ZBTB7C: variants seen among roughly 807,000 people sequenced by gnomAD.
The protein encoded by ZBTB7C is zinc finger and BTB domain-containing protein 7C.
ZBTB7C carries 8 observed loss-of-function variants against 25.7 expected under a neutral mutation model. The observed-to-expected ratio is 0.31, with a 90% CI of 0.18 to 0.56. The LOEUF is 0.56. ZBTB7C is among the 20% of genes least tolerant of loss of function. ZBTB7C has a pLI of 0.91. For synonymous variants in ZBTB7C, 394 were observed against 369.0 expected (o/e 1.07, Z -0.78); for missense variants, 824 against 855.2 (o/e 0.96, Z 0.46).
At chr18:48,338,923 G>A (rs1475101842) in intron 1 of ZBTB7C, among the ~76,000 whole-genome samples, 1 of 150,310 alleles carries the variant, frequency 6.7e-6, no homozygotes, top group African/African-American at 2.5e-5. Flanking sequence ...GGGGGGGGGG[G>A]TCCAGGTAGG....
intron 3 of ZBTB7C, among the ~76,000 whole-genome samples, chr18:48,179,933 G>GCTTC (rs1195377699): frequency 2.9e-3 from 56 of 19,006 alleles, no homozygotes; most frequent in Non-Finnish European, 5.8e-3. Flanking sequence ...TTCCTTCCCT[G>GCTTC]CTTCCTTCCT....
intron 2 of ZBTB7C, among the ~76,000 whole-genome samples, chr18:48,301,635 T>C (rs1293524632): frequency 6.6e-6 from 1 of 152,120 alleles, no homozygotes; most frequent in African/African-American, 2.4e-5. Flanking sequence ...CTACGGGCAC[T>C]GGGAATATTT....
intron 3 of ZBTB7C, among the ~76,000 whole-genome samples, chr18:48,051,917 T>A (rs2036702637): frequency 6.6e-6 from 1 of 152,114 alleles, no homozygotes; most frequent in Non-Finnish European, 1.5e-5. Context: ...CATCCTTTAT[T>A]TTCTAGGGGG....
At chr18:48,222,572 G>A (rs926268131) in intron 2 of ZBTB7C, among the ~76,000 whole-genome samples, 1 of 152,122 alleles carries the variant, frequency 6.6e-6, no homozygotes, top group Non-Finnish European at 1.5e-5. Context: ...GCTCATGGAA[G>A]CTCGGGACTT....
intron 3 of ZBTB7C, among the ~76,000 whole-genome samples, chr18:48,043,880 T>C (rs961904555): frequency 2.0e-5 from 3 of 152,206 alleles, no homozygotes; most frequent in Admixed American, 6.5e-5. Context: ...TCTCCATCTC[T>C]CATCCAGCTA....
At position 48,056,196 on chromosome 18, in the gene ZBTB7C, A is replaced by C. The variant is rs146301635; in HGVS notation, c.-16-15073T>G. On this transcript the variant is annotated intron_variant, in intron 3 of 4. Coordinates refer to ENST00000590800, the MANE Select transcript of ZBTB7C (RefSeq NM_001318841.2). ...TAAGAAATGTGTAAGATCCATACAG[A>C]GACTGTTTTAAACATGACTGAAGCA... 1.2e-3 allele frequency among the ~76,000 whole-genome samples: 186 copies of C among 152,350 alleles called. 1 individual carries two copies. The highest frequency in any genetic ancestry group is 4.2e-3 in the African/African-American group (176 of 41,590).
At chr18:48,400,199 G>C (rs1157809386) in intron 1 of ZBTB7C, among the ~76,000 whole-genome samples, 1 of 152,136 alleles carries the variant, frequency 6.6e-6, no homozygotes, top group Non-Finnish European at 1.5e-5. Context: ...TGTATAAATG[G>C]TCCAGACAGA....
intron 3 of ZBTB7C, among the ~76,000 whole-genome samples, chr18:48,086,050 G>A (rs1435761617): frequency 6.6e-6 from 1 of 152,196 alleles, no homozygotes; most frequent in Non-Finnish European, 1.5e-5. Context: ...CTTGGATCAT[G>A]TCATTCTCTT....
At chr18:48,190,215 T>C (rs2042160143) in intron 2 of ZBTB7C, among the ~76,000 whole-genome samples, 1 of 152,170 alleles carries the variant, frequency 6.6e-6, no homozygotes, top group South Asian at 2.1e-4. Flanking sequence ...CCCAGGATTA[T>C]CAGGAGCAAG....
At chr18:48,137,515 T>C (rs1301101123) in intron 3 of ZBTB7C, among the ~76,000 whole-genome samples, 2 of 152,216 alleles carry the variant, frequency 1.3e-5, no homozygotes, top group African/African-American at 4.8e-5. Flanking sequence ...ATTCAGCGTG[T>C]CTGTCTTTTT....
At chr18:48,063,938 AC>A (rs1393138742) in intron 3 of ZBTB7C, among the ~76,000 whole-genome samples, 1 of 152,112 alleles carries the variant, frequency 6.6e-6, no homozygotes, top group East Asian at 1.9e-4. Flanking sequence ...ATTAATAAGG[AC>A]AGTGACAATA....
chr18:48,407,871 T>C (rs566243058), intron 1 of ZBTB7C, among the ~76,000 whole-genome samples: 10 of 152,184 alleles, frequency 6.6e-5, no homozygotes, highest in East Asian at 5.9e-4. Context: ...TGGCCCGCTC[T>C]GGGAATAATG....
chr18:48,249,424 G>A (rs927153477), intron 2 of ZBTB7C, among the ~76,000 whole-genome samples: 2 of 152,112 alleles, frequency 1.3e-5, no homozygotes, highest in African/African-American at 4.8e-5. Context: ...AATATTACGT[G>A]GCCATTAAAA....
chr18:48,398,497 C>A (rs1157858014), intron 1 of ZBTB7C, among the ~76,000 whole-genome samples: 3 of 152,088 alleles, frequency 2.0e-5, no homozygotes, highest in East Asian at 3.9e-4. Flanking sequence ...CAGCCCAGAG[C>A]CCCCTCCCTG....
At position 48,027,873 on chromosome 18, in the gene ZBTB7C, T is replaced by A. The variant is rs1254863287; in HGVS notation, c.*1387A>T. 1 of 152,274 alleles carries A rather than the reference T, an allele frequency of 6.6e-6. No individual in the cohort carries two copies. Among genetic ancestry groups the A allele is most frequent in the African/African-American group, 2.4e-5 (1 of 41,426 alleles). The allele number at this position is 152,274 out of a possible 1,614,324, so 9.4% of individuals were successfully genotyped here. A position where few individuals can be genotyped will look rare whatever the true frequency, so the allele number is the denominator to read the frequency against. On this transcript the variant is annotated 3_prime_UTR_variant, in exon 5 of 5. Coordinates refer to ENST00000590800, the MANE Select transcript of ZBTB7C (RefSeq NM_001318841.2). ...GGAAGGCACGGGGCCAGCAGAGCCT[T>A]CCTTTTCAGGACCTGCTGCAAATTC...
rs1445290936 is a variant in ZBTB7C, at chr18:48,301,033, T to A, written c.-79+37141A>T. Among the ~76,000 whole-genome samples the A allele has an allele frequency of 1.3e-5, 2 of 152,226 alleles. 1 individual carries two copies. The highest frequency in any genetic ancestry group is 4.1e-4 in the South Asian group (2 of 4,820). ...GGACTCAGTAAGGTTGAGTTACTAGTTGTGAGTGAGGAATGCCATTACTAG... is the reference window on the plus strand; with the variant it reads ...GGACTCAGTAAGGTTGAGTTACTAGATGTGAGTGAGGAATGCCATTACTAG... On this transcript the variant is annotated intron_variant, in intron 2 of 4. Coordinates refer to ENST00000590800, the MANE Select transcript of ZBTB7C (RefSeq NM_001318841.2).
intron 2 of ZBTB7C, among the ~76,000 whole-genome samples, chr18:48,315,826 C>A (rs967513924): frequency 6.6e-6 from 1 of 152,154 alleles, no homozygotes; most frequent in Non-Finnish European, 1.5e-5. Context: ...TAGCTTCTTG[C>A]CCCCTACCCC....
At chr18:48,042,310 T>C (rs1223084932) in intron 3 of ZBTB7C, among the ~76,000 whole-genome samples, 2 of 151,902 alleles carry the variant, frequency 1.3e-5, no homozygotes, top group South Asian at 2.1e-4. Context: ...ACAACAACAA[T>C]AAAATAAGGT....
In ZBTB7C at chr18:48,342,149, GC is replaced by G. The variant is rs539274628; in HGVS notation, c.-303-3752del. On this transcript the variant is annotated intron_variant, in intron 1 of 4. Coordinates refer to ENST00000590800, the MANE Select transcript of ZBTB7C (RefSeq NM_001318841.2). ...CTCTCCCAACTGTCTACCAGAGCTT[GC>G]CCCCTCCCAGTGCCCAGGAGCACAG... 1.1e-3 allele frequency among the ~76,000 whole-genome samples: 166 copies of G among 152,278 alleles called. 1 individual carries two copies. The highest frequency in any genetic ancestry group is 3.6e-3 in the African/African-American group (150 of 41,548).
Sources: allele counts gnomAD v4.1 joint callset (sites outside exome capture counted in the v4.1 genomes callset), GRCh38; gene constraint gnomAD v4.1.1; transcripts MANE v1.5; gene names NCBI Gene and HGNC (gene_info 2026-07-23, HGNC 2026-07-21).